HCRTR2: variants seen among roughly 807,000 people sequenced by gnomAD.
The protein encoded by HCRTR2 is hypocretin receptor 2, also known as orexin receptor type 2.
HCRTR2 carries 22 observed loss-of-function variants against 49.0 expected under a neutral mutation model. The observed-to-expected ratio is 0.45, with a 90% confidence interval of 0.32 to 0.64. HCRTR2 has a LOEUF of 0.64. Among genes scored for constraint, HCRTR2 ranks in the 30% least tolerant of loss-of-function variants. The pLI is 0.04. For missense variants in HCRTR2, 491 were observed against 559.4 expected (o/e 0.88, Z 1.23); for synonymous variants, 236 against 205.3 (o/e 1.15, Z -1.28).
chr6:55,115,171 T>C (rs1561975496), intron 1 of HCRTR2, among the ~76,000 whole-genome samples: 1 of 151,772 alleles, frequency 6.6e-6, no homozygotes, highest in Non-Finnish European at 1.5e-5. Context: ...ATTCAAACAT[T>C]TCTATCTTTC....
chr6:55,192,628 C>G (rs528054585), intron 1 of HCRTR2, among the ~76,000 whole-genome samples: 1 of 152,196 alleles, frequency 6.6e-6, no homozygotes, highest in South Asian at 2.1e-4. Context: ...ATCTAGATCC[C>G]AAATTTTTGT....
intron 4 of HCRTR2, among the ~76,000 whole-genome samples, chr6:55,274,086 G>A (rs1411218285): frequency 7.3e-5 from 11 of 151,050 alleles, no homozygotes; most frequent in East Asian, 1.9e-4. Context: ...AAAGACTGTC[G>A]TGGTATTGAA....
intron 1 of HCRTR2, among the ~76,000 whole-genome samples, chr6:55,184,760 A>G (rs1765189751): frequency 6.6e-6 from 1 of 152,224 alleles, no homozygotes; most frequent in South Asian, 2.1e-4. Context: ...ATTAAAAATT[A>G]TAATATCCTT....
intron 5 of HCRTR2, among the ~76,000 whole-genome samples, chr6:55,278,329 A>G (rs1417361570): frequency 6.6e-6 from 1 of 152,210 alleles, no homozygotes; most frequent in Non-Finnish European, 1.5e-5. Context: ...ACTGTTCCAC[A>G]TAGACTGGTC....
Position 55,133,111 on chromosome 6 carries a change from G to A in HCRTR2, c.-378+26566G>A, listed in dbSNP as rs72967895. On this transcript the variant is annotated intron_variant, in intron 1 of 7. Transcript: ENST00000615358. ...AACAAGGTTGATTTAATCGTTAATTGATACAATATGTTTGTGTTGAATACA... is the reference window on the plus strand; with the variant it reads ...AACAAGGTTGATTTAATCGTTAATTAATACAATATGTTTGTGTTGAATACA... Among the ~76,000 whole-genome samples, 844 of 151,862 alleles carry A rather than the reference G, an allele frequency of 5.6e-3. 2 individuals carry two copies. Among genetic ancestry groups the A allele is most frequent in the South Asian group, 9.1e-3 (44 of 4,818 alleles).
rs540177205 is a variant in HCRTR2 at position 55,174,905 on chromosome 6, A to G, written c.223+95A>G. 44 of 907,168 alleles carry G rather than the reference A, an allele frequency of 4.9e-5. No homozygotes were observed. The African/African-American group carries it at 6.4e-4, about 13-fold the overall frequency. 56.2% of individuals were successfully genotyped at this position (907,168 alleles called of 1,614,324 possible). A position where few individuals can be genotyped will look rare whatever the true frequency, so the allele number is the denominator to read the frequency against. On this transcript the variant is annotated intron_variant, in intron 1 of 6. Transcript: ENST00000370862. ...AAAGAGACCCCTCCCTCCCCCGGGA[A>G]GCAAACAAAGAGGTCGCTGCTCTCG...
At chr6:55,123,795 T>A (rs4715519) in intron 1 of HCRTR2, among the ~76,000 whole-genome samples, 94,447 of 151,962 alleles carry the variant, frequency 0.62, 30,537 homozygotes, top group African/African-American at 0.73. Context: ...TTACTGCCTC[T>A]ATTTCAGAAC....
Position 55,274,824 on chromosome 6 carries a change from A to T in HCRTR2, c.763-2556A>T, listed in dbSNP as rs1767047582. 6.6e-5 allele frequency among the ~76,000 whole-genome samples: 10 copies of T among 152,176 alleles called. No homozygotes were observed. The South Asian group carries it at 2.1e-3, about 31-fold the overall frequency. On this transcript the variant is annotated intron_variant, in intron 4 of 6. Transcript: ENST00000370862. ...GCTGTCTTTTGTTGCCATATCTTTG[A>T]TTACAAAGATAAATGTGACCTCATG...
At chr6:55,221,831 A>G (rs1765904447) in intron 1 of HCRTR2, among the ~76,000 whole-genome samples, 1 of 151,912 alleles carries the variant, frequency 6.6e-6, no homozygotes, top group African/African-American at 2.4e-5. Context: ...AAAAAATACA[A>G]GATCTGAAAC....
At chr6:55,242,425 C>T (rs1469021771) in intron 1 of HCRTR2, among the ~76,000 whole-genome samples, 7 of 152,110 alleles carry the variant, frequency 4.6e-5, no homozygotes. Context: ...GATATGATTG[C>T]TCTGAGTACC....
upstream of HCRTR2, among the ~76,000 whole-genome samples, chr6:55,170,695 T>C (rs1371912119): frequency 6.6e-6 from 1 of 150,666 alleles, no homozygotes; most frequent in Non-Finnish European, 1.5e-5. Context: ...TAACTCCTCA[T>C]TTACATTAGG....
chr6:55,119,190 A>G (rs1407146697), intron 1 of HCRTR2, among the ~76,000 whole-genome samples: 1 of 151,936 alleles, frequency 6.6e-6, no homozygotes, highest in Non-Finnish European at 1.5e-5. Flanking sequence ...TCTATCATTG[A>G]TGGGCGTTTG....
intron 1 of HCRTR2, among the ~76,000 whole-genome samples, chr6:55,126,301 T>C (rs1324069369): frequency 6.6e-6 from 1 of 152,074 alleles, no homozygotes; most frequent in Admixed American, 6.6e-5. Context: ...AATGGAGTCT[T>C]TGAGTGAGCC....
chr6:55,283,702 CT>C (rs200195278), downstream of HCRTR2, among the ~76,000 whole-genome samples: 1,811 of 152,222 alleles, frequency 0.012, 119 homozygotes, highest in Admixed American at 0.1. Flanking sequence ...TGATTTTCAT[CT>C]CCTATTATGG....
chr6:55,111,328 A>G (rs1166823429), intron 1 of HCRTR2, among the ~76,000 whole-genome samples: 2 of 148,810 alleles, frequency 1.3e-5, no homozygotes, highest in African/African-American at 4.9e-5. Context: ...ATCTGAGCAG[A>G]ACTGAATGAA....
At chr6:55,138,215 T>A (rs1383604694) in intron 1 of HCRTR2, among the ~76,000 whole-genome samples, 1 of 145,072 alleles carries the variant, frequency 6.9e-6, no homozygotes, top group Non-Finnish European at 1.5e-5. Context: ...AATAGTTAAT[T>A]TTTTTTTGTC....
intron 1 of HCRTR2, among the ~76,000 whole-genome samples, chr6:55,245,134 T>C (rs78234251): frequency 0.026 from 3,924 of 151,856 alleles, 68 homozygotes; most frequent in Non-Finnish European, 0.039. Context: ...TGCTTAAGAT[T>C]CATTTGACTA....
chr6:55,123,082 G>C (rs1764224631), intron 1 of HCRTR2, among the ~76,000 whole-genome samples: 1 of 151,530 alleles, frequency 6.6e-6, no homozygotes, highest in Admixed American at 6.6e-5. Flanking sequence ...AAACCTGCAT[G>C]TTGTGCACAT....
At chr6:55,206,369 G>GAT (rs1352270134) in intron 1 of HCRTR2, among the ~76,000 whole-genome samples, 1 of 152,030 alleles carries the variant, frequency 6.6e-6, no homozygotes, top group Non-Finnish European at 1.5e-5. Flanking sequence ...TCACGACTGT[G>GAT]ATAGTACCTG....
Sources: allele counts gnomAD v4.1 joint callset (sites outside exome capture counted in the v4.1 genomes callset), GRCh38; gene constraint gnomAD v4.1.1; transcripts MANE v1.5; gene names NCBI Gene and HGNC (gene_info 2026-07-23, HGNC 2026-07-21).